ZNF407: variants seen among roughly 807,000 people sequenced by gnomAD.
ZNF407 encodes the protein zinc finger protein 407.
A neutral mutation model predicts 131.2 loss-of-function variants in ZNF407; 17 were observed. The ratio of observed to expected loss-of-function variants is 0.13; its 90% CI spans 0.09 to 0.19. The LOEUF is 0.19. Ranked by LOEUF, ZNF407 falls within the 10% of genes least tolerant of loss-of-function variation. The pLI is 1.00. For missense variants in ZNF407, 2,681 were observed against 2,830.6 expected, an observed-to-expected ratio of 0.95 and a Z score of 1.20; for synonymous variants, 1,156 against 1,062.0, an observed-to-expected ratio of 1.09 and a Z score of -1.72.
intron 4 of ZNF407, among the ~76,000 whole-genome samples, chr18:74,830,060 A>T (rs373444921): frequency 1.3e-5 from 2 of 152,278 alleles, no homozygotes; most frequent in Non-Finnish European, 1.5e-5. Context: ...GAGAACAGAG[A>T]AAAGACCATG....
At chr18:74,598,665 A>G (rs1201610164) in intron 1 of ZNF407, among the ~76,000 whole-genome samples, 4 of 152,250 alleles carry the variant, frequency 2.6e-5, no homozygotes, top group Non-Finnish European at 5.9e-5. Context: ...GGTCCTAGCC[A>G]TTCCCGACTT....
At chr18:74,823,220 A>G (rs1193609687) in intron 4 of ZNF407, among the ~76,000 whole-genome samples, 1 of 152,228 alleles carries the variant, frequency 6.6e-6, no homozygotes, top group Non-Finnish European at 1.5e-5. Context: ...AGCACTAAAC[A>G]TGGAAAGGAA....
chr18:74,702,280 C>T (rs879242880), intron 3 of ZNF407, among the ~76,000 whole-genome samples: 3 of 152,016 alleles, frequency 2.0e-5, no homozygotes, highest in East Asian at 1.9e-4. Context: ...TATTCATGCA[C>T]GGGTCAGTTT....
chr18:74,680,486 T>C (rs1045522716), intron 3 of ZNF407, among the ~76,000 whole-genome samples: 1 of 152,132 alleles, frequency 6.6e-6, no homozygotes, highest in Non-Finnish European at 1.5e-5. Context: ...CGAGGATGTC[T>C]TCTCAAAACT....
intron 8 of ZNF407, among the ~76,000 whole-genome samples, chr18:75,037,777 A>G (rs1973326692): frequency 3.3e-5 from 5 of 152,190 alleles, no homozygotes; most frequent in African/African-American, 1.2e-4. Context: ...CCATTTCTGT[A>G]CAGAAACTCG....
At chr18:75,008,664 C>G (rs974415290) in intron 8 of ZNF407, among the ~76,000 whole-genome samples, 5 of 152,152 alleles carry the variant, frequency 3.3e-5, no homozygotes, top group Non-Finnish European at 5.9e-5. Flanking sequence ...TTAACTTAAT[C>G]ATTTGTTTTT....
intron 4 of ZNF407, among the ~76,000 whole-genome samples, chr18:74,857,665 A>G (rs1378261874): frequency 2.0e-5 from 3 of 152,234 alleles, no homozygotes; most frequent in African/African-American, 4.8e-5. Context: ...AATTTGCCTT[A>G]TAGTAATATC....
chr18:74,665,730 T>C (rs1258260931), intron 3 of ZNF407, among the ~76,000 whole-genome samples: 2 of 152,212 alleles, frequency 1.3e-5, no homozygotes, highest in Non-Finnish European at 2.9e-5. Context: ...GTACCCACAG[T>C]GCACTTCAGG....
At chr18:74,708,756 C>G (rs76119866) in intron 3 of ZNF407, among the ~76,000 whole-genome samples, 24,046 of 152,258 alleles carry the variant, frequency 0.16, 2,364 homozygotes, top group Non-Finnish European at 0.22. Context: ...AACAGGAACC[C>G]CGCACGCGGC....
At chr18:74,958,252 T>C (rs1366060595) in intron 8 of ZNF407, among the ~76,000 whole-genome samples, 1 of 152,200 alleles carries the variant, frequency 6.6e-6, no homozygotes, top group Non-Finnish European at 1.5e-5. Flanking sequence ...CTGTCGTCGT[T>C]GTCATCATTT....
chr18:74,920,770 T>C, intron 8 of ZNF407, 78 bp downstream of exon 8: 1 of 1,451,732 alleles, frequency 6.9e-7, no homozygotes, highest in Non-Finnish European at 9.2e-7. Context: ...TATTTGTACA[T>C]TACCATGATT....
intron 5 of ZNF407, 121 bp downstream of exon 5, chr18:74,877,484 A>C (rs780999472): frequency 5.4e-5 from 52 of 962,954 alleles, no homozygotes; most frequent in Non-Finnish European, 7.3e-5. Context: ...GTCCTGCTTT[A>C]AGATTGTGGT....
intron 4 of ZNF407, among the ~76,000 whole-genome samples, chr18:74,859,982 T>C (rs551821290): frequency 6.6e-6 from 1 of 152,314 alleles, no homozygotes; most frequent in South Asian, 2.1e-4. Flanking sequence ...CAATACTCCC[T>C]TCATGGCTAC....
chr18:74,966,176 C>T lies in ZNF407; in HGVS notation c.5428+45484C>T, dbSNP rs138230403. Among the ~76,000 whole-genome samples, 529 of 152,274 alleles carry T rather than the reference C, an allele frequency of 3.5e-3. 2 individuals carry two copies. The highest frequency in any genetic ancestry group is 0.012 in the African/African-American group (510 of 41,558). ...GAAGCTTTTTAACTTGATGTGATCA[C>T]ATTTGTCCATTTTTGCTTTGGCAGG... On this transcript the variant is annotated intron_variant, in intron 8 of 8. Transcript: ENST00000299687.
chr18:75,005,033 T>C (rs1188348984), intron 8 of ZNF407, among the ~76,000 whole-genome samples: 1 of 152,220 alleles, frequency 6.6e-6, no homozygotes, highest in South Asian at 2.1e-4. Context: ...ACATATTGTG[T>C]GTCTCAGCAA....
At chr18:74,986,743 T>C (rs1420032824) in intron 8 of ZNF407, among the ~76,000 whole-genome samples, 2 of 152,178 alleles carry the variant, frequency 1.3e-5, no homozygotes, top group Non-Finnish European at 2.9e-5. Flanking sequence ...AAATATGGAT[T>C]GAAAAACACA....
chr18:74,692,593 C>T (rs186797620), intron 3 of ZNF407, among the ~76,000 whole-genome samples: 8 of 152,272 alleles, frequency 5.3e-5, no homozygotes, highest in East Asian at 3.9e-4. Context: ...TCCTCAGCCT[C>T]GTGTCTTTGT....
intron 3 of ZNF407, among the ~76,000 whole-genome samples, chr18:74,715,814 A>C (rs1008319233): frequency 7.2e-5 from 11 of 152,176 alleles, no homozygotes; most frequent in Admixed American, 7.2e-4. Context: ...AAAAAAATCA[A>C]TGTTCTTAGC....
intron 4 of ZNF407, among the ~76,000 whole-genome samples, chr18:74,800,489 C>T (rs1328085049): frequency 2.0e-5 from 3 of 151,868 alleles, no homozygotes; most frequent in African/African-American, 7.2e-5. Flanking sequence ...TGCTTGCTTT[C>T]TTGTAGATTT....
Sources: allele counts gnomAD v4.1 joint callset (sites outside exome capture counted in the v4.1 genomes callset), GRCh38; gene constraint gnomAD v4.1.1; transcripts MANE v1.5; gene names NCBI Gene and HGNC (gene_info 2026-07-23, HGNC 2026-07-21).